Variants in CLIC5 observed in about 807,000 individuals in gnomAD.
The protein encoded by CLIC5 is chloride intracellular channel protein 5.
Under a neutral mutation model 24.7 loss-of-function variants are expected in CLIC5, and 20 were observed. That is an observed-to-expected ratio of 0.81 (90% confidence interval 0.57 to 1.18). CLIC5 has a LOEUF of 1.18. Ranked by LOEUF, CLIC5 falls within the 50% of genes most tolerant of loss-of-function variation. The probability of loss-of-function intolerance (pLI) is 0.00; values close to 1 mark genes in which losing one functional copy is unlikely to be tolerated. For missense variants in CLIC5, 341 were observed against 326.1 expected (o/e 1.05, Z -0.35); for synonymous variants, 159 against 135.6 (o/e 1.17, Z -1.20).
chr6:46,013,540 C>T (rs1766879531), intron 1 of CLIC5, among the ~76,000 whole-genome samples: 1 of 152,168 alleles, frequency 6.6e-6, no homozygotes, highest in South Asian at 2.1e-4. Flanking sequence ...TTTGAGCTAG[C>T]CATGAAGGCC....
At chr6:45,959,278 T>C (rs1764770228) in intron 1 of CLIC5, among the ~76,000 whole-genome samples, 1 of 152,242 alleles carries the variant, frequency 6.6e-6, no homozygotes, top group Non-Finnish European at 1.5e-5. Context: ...TGATAGTTAT[T>C]GATATTTACC....
Position 46,048,537 on chromosome 6 carries a change from T to C in CLIC5, c.540+31166A>G, listed in dbSNP as rs1768018236. Among the ~76,000 whole-genome samples the C allele has an allele frequency of 1.3e-5, 2 of 152,122 alleles. 1 individual carries two copies. The highest frequency in any genetic ancestry group is 6.8e-3 in the Middle Eastern group (2 of 294). On this transcript the variant is annotated intron_variant, in intron 1 of 5. Coordinates refer to the CLIC5 transcript ENST00000185206. ...TTCTTTCCAGTCTCTTTGCCAGTGG[T>C]AAATGGCCTCCTTTTCTCAAAACTC...
At chr6:46,117,011 C>T in the CLIC5 span, among the ~76,000 whole-genome samples, 1 of 152,318 alleles carries the variant, frequency 6.6e-6, no homozygotes, top group East Asian at 1.9e-4. Flanking sequence ...ATTTTGTAGG[C>T]TGCAAAGCAC....
At chr6:46,057,064 A>G (rs1161743040) in intron 1 of CLIC5, among the ~76,000 whole-genome samples, 1 of 152,104 alleles carries the variant, frequency 6.6e-6, no homozygotes, top group Non-Finnish European at 1.5e-5. Flanking sequence ...TCTTACTGCT[A>G]CTCATGTTGA....
intron 1 of CLIC5, among the ~76,000 whole-genome samples, chr6:45,998,200 G>C (rs892877932): frequency 6.6e-6 from 1 of 152,164 alleles, no homozygotes; most frequent in African/African-American, 2.4e-5. Flanking sequence ...TTTTCACACG[G>C]TGACATCCTG....
chr6:46,079,822 A>C lies in CLIC5; in HGVS notation c.421T>G (p.Phe141Val), dbSNP rs1390628053. 4.5e-6 allele frequency: 7 copies of C among 1,552,228 alleles called. No homozygotes were observed. The Admixed American group carries it at 1.2e-4, about 26-fold the overall frequency. ...AAGGCCTTACTGTGCTGAATGGTGA[A>C]GCTTGAAGGAGAAGGCAGATCTTCC... The change falls in exon 1 of 6, where the codon TTC becomes GTC. Residue 141 changes from phenylalanine (F) to valine (V), a missense_variant. Physicochemically the swap from Phe to Val is conservative, Grantham distance 50 (BLOSUM62 -1). Coordinates refer to the CLIC5 transcript ENST00000185206.
chr6:46,103,974 C>T, the CLIC5 span, among the ~76,000 whole-genome samples: 1 of 152,108 alleles, frequency 6.6e-6, no homozygotes, highest in African/African-American at 2.4e-5. Context: ...TCTTTTTCAC[C>T]TGCAAGGTTT....
At chr6:46,095,400 A>C in the CLIC5 span, among the ~76,000 whole-genome samples, 1 of 152,198 alleles carries the variant, frequency 6.6e-6, no homozygotes, top group Non-Finnish European at 1.5e-5. Flanking sequence ...CCTTTTAAAA[A>C]TAAGTTCCAA....
the CLIC5 span, chr6:46,102,478 G>A: frequency 1.3e-5 from 2 of 152,310 alleles, no homozygotes; most frequent in South Asian, 2.1e-4. Flanking sequence ...GAAAGTTAGA[G>A]TAATATTCTA....
At chr6:45,979,029 A>G (rs941461721) in intron 1 of CLIC5, among the ~76,000 whole-genome samples, 1 of 152,080 alleles carries the variant, frequency 6.6e-6, no homozygotes, top group Non-Finnish European at 1.5e-5. Flanking sequence ...GAGTTTGAAA[A>G]AAAATGCACA....
intron 1 of CLIC5, among the ~76,000 whole-genome samples, chr6:46,006,011 T>C (rs982826332): frequency 7.9e-6 from 1 of 126,234 alleles, no homozygotes; most frequent in Non-Finnish European, 1.8e-5. Context: ...TATATATATA[T>C]ATATACACAC....
chr6:46,050,371 G>T (rs1285748905), intron 1 of CLIC5, among the ~76,000 whole-genome samples: 1 of 152,102 alleles, frequency 6.6e-6, no homozygotes, highest in African/African-American at 2.4e-5. Flanking sequence ...CTTTTATAAG[G>T]ACCTTTTAAG....
chr6:46,107,840 T>C, the CLIC5 span, among the ~76,000 whole-genome samples: 1,033 of 152,114 alleles, frequency 6.8e-3, 5 homozygotes, highest in Non-Finnish European at 0.012. Context: ...GTTCAAGACC[T>C]GTCTGGCCAA....
At chr6:45,896,658 C>T (rs1396101407), downstream of CLIC5, among the ~76,000 whole-genome samples, 1 of 152,210 alleles carries the variant, frequency 6.6e-6, no homozygotes, top group Non-Finnish European at 1.5e-5. Flanking sequence ...ATGAGATACT[C>T]TCATTTACAA....
chr6:46,098,332 T>A, the CLIC5 span, among the ~76,000 whole-genome samples: 1 of 152,212 alleles, frequency 6.6e-6, no homozygotes, highest in Non-Finnish European at 1.5e-5. Flanking sequence ...GTAGTAAGAT[T>A]TCACTGGCAG....
chr6:46,100,817 T>C, the CLIC5 span, among the ~76,000 whole-genome samples: 1 of 152,086 alleles, frequency 6.6e-6, no homozygotes, highest in Non-Finnish European at 1.5e-5. Context: ...GGCATACAAA[T>C]TTATTCGTGT....
intron 1 of CLIC5, among the ~76,000 whole-genome samples, chr6:45,973,377 T>A (rs1009786413): frequency 1.3e-5 from 2 of 152,360 alleles, no homozygotes; most frequent in African/African-American, 4.8e-5. Context: ...ATAGAAAGCC[T>A]GCCTGTTGCA....
At chr6:45,912,864 C>CTAAATAGGTTGTAT in intron 5 of CLIC5, 1 of 689,668 alleles carries the variant, frequency 1.4e-6, no homozygotes, top group South Asian at 1.6e-5. Context: ...ATGTTCTTTT[C>CTAAATAGGTTGTAT]TAAATAGGTT....
intron 1 of CLIC5, among the ~76,000 whole-genome samples, chr6:46,011,083 G>A (rs958396842): frequency 1.3e-5 from 2 of 152,184 alleles, no homozygotes; most frequent in African/African-American, 4.8e-5. Flanking sequence ...CTCAATAAAT[G>A]AAAGACTAGT....
Sources: gnomAD v4.1 joint callset for allele counts (sites outside exome capture counted in the v4.1 genomes callset) on GRCh38, gnomAD v4.1.1 for gene constraint, MANE v1.5 for transcripts, NCBI Gene and HGNC (gene_info 2026-07-23, HGNC 2026-07-21) for gene names.